The following CEP63 variants were observed in gnomAD, a reference collection of about 807,000 sequenced individuals.
CEP63 encodes the protein centrosomal protein 63, also known as centrosomal protein of 63 kDa.
Under a neutral mutation model 89.1 loss-of-function variants are expected in CEP63, and 84 were observed. That is an observed-to-expected ratio of 0.94 (90% CI 0.79 to 1.13). The LOEUF (loss-of-function observed/expected upper bound fraction) is 1.13. CEP63 is among the 50% of genes most tolerant of loss of function. The probability of loss-of-function intolerance (pLI) is 0.00; values close to 1 mark genes in which losing one functional copy is unlikely to be tolerated. For synonymous variants in CEP63, 267 were observed against 272.5 expected, an observed-to-expected ratio of 0.98 and a Z score of 0.20; for missense variants, 838 against 813.3, an observed-to-expected ratio of 1.03 and a Z score of -0.37.
At chr3:134,680,013 C>A in the CEP63 span, among the ~76,000 whole-genome samples, 2 of 152,174 alleles carry the variant, frequency 1.3e-5, no homozygotes, top group Non-Finnish European at 2.9e-5. Context: ...GTGTGAGCCA[C>A]CATACCTGGC....
the CEP63 span, among the ~76,000 whole-genome samples, chr3:134,723,336 T>A: frequency 6.6e-6 from 1 of 152,302 alleles, no homozygotes; most frequent in African/African-American, 2.4e-5. Flanking sequence ...ATTTCACCTG[T>A]TTCTGTTTAC....
chr3:134,694,086 G>A, the CEP63 span, among the ~76,000 whole-genome samples: 3 of 152,216 alleles, frequency 2.0e-5, no homozygotes, highest in Non-Finnish European at 4.4e-5. Context: ...TTTCAGAAAG[G>A]AAAGCCTCCA....
At chr3:134,611,598 A>G in the CEP63 span, among the ~76,000 whole-genome samples, 1 of 152,264 alleles carries the variant, frequency 6.6e-6, no homozygotes. Context: ...CAACCTGTGA[A>G]ACCGAGGATG....
In CEP63 at chr3:134,561,495, A is replaced by G. The variant is rs1350722849; in HGVS notation, c.2072A>G (p.Glu691Gly). 8.1e-6 allele frequency: 13 copies of G among 1,614,020 alleles called. No individual in the cohort carries two copies. The highest frequency in any genetic ancestry group is 9.3e-6 in the Non-Finnish European group (11 of 1,179,936). The stretch of plus-strand genomic sequence containing the variant: ...GCCCATATTGAAGAACTAAAAAGAG[A>G]GAGTGAAAAGACAGTGAGACAATTC... ...LDAHIEELKR[E>G]SEKTVRQFTA... Residue 691 changes from glutamate to glycine, a missense_variant, in exon 15 of 15, where the codon GAG (glutamate) becomes GGG (glycine). By Grantham distance (98) the Glu-to-Gly change is moderately conservative (BLOSUM62 -2). Transcript: ENST00000675561.
chr3:134,656,152 CA>C, the CEP63 span, among the ~76,000 whole-genome samples: 4 of 152,108 alleles, frequency 2.6e-5, no homozygotes, highest in Non-Finnish European at 5.9e-5. Flanking sequence ...AGAGTAAGGA[CA>C]GGGGAGAGGC....
the CEP63 span, among the ~76,000 whole-genome samples, chr3:134,649,685 TTC>T: frequency 6.6e-6 from 1 of 152,200 alleles, no homozygotes; most frequent in Non-Finnish European, 1.5e-5. Context: ...GCCCTCTAGA[TTC>T]TGTTTCTTTC....
chr3:134,604,374 C>G, the CEP63 span: 1 of 1,613,938 alleles, frequency 6.2e-7, no homozygotes, highest in African/African-American at 1.3e-5. Context: ...TCATCCCATT[C>G]TTCCTTAGGC....
the CEP63 span, among the ~76,000 whole-genome samples, chr3:134,751,296 G>A: frequency 6.6e-6 from 1 of 152,270 alleles, no homozygotes; most frequent in Non-Finnish European, 1.5e-5. Context: ...TCCACTGGCT[G>A]ACCTTTTGGT....
the CEP63 span, among the ~76,000 whole-genome samples, chr3:134,765,815 T>C: frequency 6.6e-6 from 1 of 152,080 alleles, no homozygotes; most frequent in East Asian, 1.9e-4. Flanking sequence ...TGAGAATGAG[T>C]TGGAAATGTA....
chr3:134,746,813 A>G, the CEP63 span, among the ~76,000 whole-genome samples: 1 of 152,136 alleles, frequency 6.6e-6, no homozygotes, highest in Non-Finnish European at 1.5e-5. Flanking sequence ...TTCTGTGTAG[A>G]TTCTGGATAT....
chr3:134,750,625 C>T, the CEP63 span, among the ~76,000 whole-genome samples: 1 of 152,108 alleles, frequency 6.6e-6, no homozygotes, highest in African/African-American at 2.4e-5. Flanking sequence ...CCCTTGGAGA[C>T]AGGTGGGGGA....
chr3:134,539,889 TA>T (rs1951651036), intron 6 of CEP63, among the ~76,000 whole-genome samples: 1 of 152,180 alleles, frequency 6.6e-6, no homozygotes, highest in African/African-American at 2.4e-5. Flanking sequence ...AAATCACCCA[TA>T]ATTCTACCGT....
intron 3 of CEP63, among the ~76,000 whole-genome samples, chr3:134,520,454 A>T (rs936904185): frequency 2.6e-4 from 39 of 152,206 alleles, no homozygotes; most frequent in Admixed American, 2.0e-3. Context: ...GGATAGAAAG[A>T]CTCAATATTT....
At chr3:134,711,372 G>T in the CEP63 span, among the ~76,000 whole-genome samples, 1 of 152,124 alleles carries the variant, frequency 6.6e-6, no homozygotes, top group African/African-American at 2.4e-5. Flanking sequence ...CTTCCTTGGG[G>T]ACATCCACCC....
At chr3:134,496,919 C>G (rs1418985437) in intron 2 of CEP63, among the ~76,000 whole-genome samples, 1 of 151,920 alleles carries the variant, frequency 6.6e-6, no homozygotes, top group African/African-American at 2.4e-5. Flanking sequence ...CCCTTTTGTC[C>G]ACATCCCCCC....
the CEP63 span, among the ~76,000 whole-genome samples, chr3:134,675,312 G>C: frequency 2.6e-5 from 4 of 152,154 alleles, no homozygotes; most frequent in Admixed American, 6.5e-5. Context: ...ACGATTCTGA[G>C]ACAACTGGAT....
rs1470059219 is a variant in CEP63, at chr3:134,559,421, A to C, written c.1945A>C (p.Ile649Leu). ...GAGTATGAATGACCAAGAAGAGTTTATATCTTCGGTATGGAAACTTTCTGA... is the reference window on the plus strand; with the variant it reads ...GAGTATGAATGACCAAGAAGAGTTTCTATCTTCGGTATGGAAACTTTCTGA... ...SESMNDQEEF[I>L]SSCSLPVSPL... The change falls in exon 14 of 15, where the codon ATA becomes CTA. Residue 649 changes from isoleucine (I) to leucine (L), a missense_variant. Transcript: ENST00000675561. 6.2e-7 allele frequency: 1 copy of C among 1,613,104 alleles called. No homozygotes were observed. Among genetic ancestry groups the C allele is most frequent in the Admixed American group, 1.7e-5 (1 of 59,962 alleles).
Position 134,519,392 on chromosome 3 carries a change from C to T in CEP63, c.222+12106C>T, listed in dbSNP as rs536377434. On this transcript the variant is annotated intron_variant, in intron 3 of 14. Transcript: ENST00000675561. ...CAGGTGATCTGCCCGCCTCAGCCAC[C>T]CAAAGTGCTGGGATTACAGGCGTGA... 3.9e-5 allele frequency among the ~76,000 whole-genome samples: 6 copies of T among 151,960 alleles called. No individual in the cohort carries two copies. The East Asian group carries it at 1.2e-3, about 29-fold the overall frequency.
At chr3:134,508,885 A>G (rs893984497) in intron 3 of CEP63, among the ~76,000 whole-genome samples, 2 of 151,880 alleles carry the variant, frequency 1.3e-5, no homozygotes, top group Non-Finnish European at 2.9e-5. Flanking sequence ...TTCTAGAAGT[A>G]GGTTTCTGAA....
Sources: allele counts gnomAD v4.1 joint callset (sites outside exome capture counted in the v4.1 genomes callset), GRCh38; gene constraint gnomAD v4.1.1; transcripts MANE v1.5; gene names NCBI Gene and HGNC (gene_info 2026-07-23, HGNC 2026-07-21).